MAPK10: variants seen among roughly 807,000 people sequenced by gnomAD.
The protein encoded by MAPK10 is JNK3 alpha protein kinase.
MAPK10 carries 25 observed loss-of-function variants against 59.3 expected under a neutral mutation model. The ratio of observed to expected loss-of-function variants is 0.42; its 90% CI spans 0.31 to 0.59. MAPK10 has a LOEUF of 0.59. Among genes scored for constraint, MAPK10 ranks in the 20% least tolerant of loss-of-function variants. The pLI, the probability that MAPK10 is intolerant of heterozygous loss-of-function variation, is 0.15. For missense variants in MAPK10, 351 were observed against 568.9 expected (o/e 0.62, Z 3.90); for synonymous variants, 190 against 200.5 (o/e 0.95, Z 0.44).
intron 1 of MAPK10, among the ~76,000 whole-genome samples, chr4:86,398,303 A>G (rs760855925): frequency 2.0e-5 from 3 of 152,212 alleles, no homozygotes; most frequent in Non-Finnish European, 4.4e-5. Context: ...TATTTATTTT[A>G]GGTCAGATGC....
intron 2 of MAPK10, among the ~76,000 whole-genome samples, chr4:86,328,014 T>C (rs1333448103): frequency 6.6e-6 from 1 of 152,102 alleles, no homozygotes; most frequent in Non-Finnish European, 1.5e-5. Flanking sequence ...ATGGTTTGAA[T>C]GCATTCTCCA....
At chr4:86,149,202 T>G (rs1350339658) in intron 4 of MAPK10, among the ~76,000 whole-genome samples, 1 of 152,222 alleles carries the variant, frequency 6.6e-6, no homozygotes, top group Non-Finnish European at 1.5e-5. Context: ...TCTTTCTGAC[T>G]CCTTTTGCTC....
At position 86,057,400 on chromosome 4, in the gene MAPK10, A is replaced by C. The variant is rs1315332287; in HGVS notation, c.1110+6866T>G. On this transcript the variant is annotated intron_variant, in intron 11 of 13. Coordinates refer to ENST00000641462, the MANE Select transcript of MAPK10 (RefSeq NM_138982.4). ...TTAGTTATAACTGATTAACATTTCA[A>C]GGGACATAGGATTTCAGATTCTACA... is the stretch of plus-strand genomic sequence containing the variant. 2.0e-5 allele frequency among the ~76,000 whole-genome samples: 3 copies of C among 150,310 alleles called. 1 individual carries two copies. The highest frequency in any genetic ancestry group is 2.0e-4 in the Admixed American group (3 of 15,168).
At chr4:86,094,028 G>A (rs150809579) in intron 9 of MAPK10, among the ~76,000 whole-genome samples, 93 of 151,968 alleles carry the variant, frequency 6.1e-4, no homozygotes, top group African/African-American at 2.1e-3. Context: ...AAGAAAAAGA[G>A]TTAGACTATA....
At chr4:86,138,664 T>C (rs1469673327) in intron 4 of MAPK10, among the ~76,000 whole-genome samples, 2 of 149,626 alleles carry the variant, frequency 1.3e-5, no homozygotes, top group African/African-American at 4.9e-5. Flanking sequence ...CTATTCAACA[T>C]AGTGTTGGAA....
chr4:86,428,200 G>A (rs1016216224), intron 1 of MAPK10, among the ~76,000 whole-genome samples: 4 of 151,806 alleles, frequency 2.6e-5, no homozygotes, highest in Non-Finnish European at 5.9e-5. Flanking sequence ...GAGCAGCAAA[G>A]TGGTACAATA....
At chr4:86,473,261 G>A (rs548211543) in intron 1 of MAPK10, among the ~76,000 whole-genome samples, 1 of 152,254 alleles carries the variant, frequency 6.6e-6, no homozygotes, top group East Asian at 1.9e-4. Context: ...ATTTCTAGTT[G>A]GAGGTCAAAG....
chr4:86,383,790 C>A (rs1741077392), intron 1 of MAPK10, among the ~76,000 whole-genome samples: 1 of 151,932 alleles, frequency 6.6e-6, no homozygotes, highest in Non-Finnish European at 1.5e-5. Flanking sequence ...AATTAAATAC[C>A]ATTTACAAAA....
At chr4:86,247,786 A>G (rs6825506) in intron 2 of MAPK10, among the ~76,000 whole-genome samples, 2,847 of 152,266 alleles carry the variant, frequency 0.019, 95 homozygotes, top group African/African-American at 0.065. Context: ...TAGGAGATTT[A>G]TAATAGAGAA....
At chr4:86,511,725 G>A (rs890784013) in intron 1 of MAPK10, among the ~76,000 whole-genome samples, 5 of 149,330 alleles carry the variant, frequency 3.3e-5, no homozygotes, top group African/African-American at 1.2e-4. Context: ...AGGAGCGGGA[G>A]CAGGAGGGGG....
chr4:86,289,673 TATA>T (rs1210999986), intron 2 of MAPK10, among the ~76,000 whole-genome samples: 1 of 150,534 alleles, frequency 6.6e-6, no homozygotes, highest in Non-Finnish European at 1.5e-5. Context: ...ATTTTATAAT[TATA>T]ATATATAATA....
chr4:86,148,217 G>A (rs990199280), intron 4 of MAPK10, among the ~76,000 whole-genome samples: 1 of 152,116 alleles, frequency 6.6e-6, no homozygotes, highest in Non-Finnish European at 1.5e-5. Context: ...CTTTTGCTGA[G>A]CAGTAGAAAA....
chr4:86,306,865 C>T (rs1163578109), intron 2 of MAPK10, among the ~76,000 whole-genome samples: 1 of 152,124 alleles, frequency 6.6e-6, no homozygotes, highest in East Asian at 1.9e-4. Flanking sequence ...AATAATTACT[C>T]TCCGTGTGCC....
chr4:86,361,815 A>G (rs1737017896), upstream of MAPK10, among the ~76,000 whole-genome samples: 1 of 152,174 alleles, frequency 6.6e-6, no homozygotes, highest in Non-Finnish European at 1.5e-5. Context: ...TCTCACTTAT[A>G]TGTGAAATTT....
chr4:86,130,510 G>C (rs1467624771), intron 4 of MAPK10, among the ~76,000 whole-genome samples: 2 of 152,078 alleles, frequency 1.3e-5, no homozygotes, highest in African/African-American at 2.4e-5. Flanking sequence ...GAATGACAAA[G>C]AGAATAATTG....
intron 2 of MAPK10, among the ~76,000 whole-genome samples, chr4:86,247,774 AC>A (rs2148704814): frequency 6.6e-6 from 1 of 152,266 alleles, no homozygotes; most frequent in African/African-American, 2.4e-5. Flanking sequence ...TTGAAAGATG[AC>A]TAGGAGATTT....
intron 1 of MAPK10, among the ~76,000 whole-genome samples, chr4:86,591,839 G>A (rs1565089567): frequency 6.6e-6 from 1 of 151,908 alleles, no homozygotes. Flanking sequence ...TAATTGCATT[G>A]GCTATCGTTT....
At chr4:86,067,990 C>T in intron 9 of MAPK10, 35 bp from the exon 10 acceptor site, 1 of 1,462,088 alleles carries the variant, frequency 6.8e-7, no homozygotes, top group Non-Finnish European at 9.4e-7. Context: ...AAAAGAAGAG[C>T]AGACCACTAG....
chr4:86,465,470 T>C (rs1319893867), intron 1 of MAPK10, among the ~76,000 whole-genome samples: 1 of 152,252 alleles, frequency 6.6e-6, no homozygotes, highest in Non-Finnish European at 1.5e-5. Context: ...ATAGTGACTA[T>C]GGGACATCCC....
Sources: gnomAD v4.1 joint callset for allele counts (sites outside exome capture counted in the v4.1 genomes callset) on GRCh38, gnomAD v4.1.1 for gene constraint, MANE v1.5 for transcripts, NCBI Gene and HGNC (gene_info 2026-07-23, HGNC 2026-07-21) for gene names.